CFAP47: variants seen among roughly 807,000 people sequenced by gnomAD.
The protein encoded by CFAP47 is cilia- and flagella-associated protein 47.
CFAP47 carries 29 observed loss-of-function variants against 148.1 expected under a neutral mutation model. The ratio of observed to expected loss-of-function variants is 0.20; its 90% CI spans 0.15 to 0.27. The LOEUF is 0.27. Among genes scored for constraint, CFAP47 ranks in the 10% least tolerant of loss-of-function variants. The probability of loss-of-function intolerance (pLI) is 1.00; values close to 1 mark genes in which losing one functional copy is unlikely to be tolerated. For synonymous variants in CFAP47, 664 were observed against 577.3 expected, an observed-to-expected ratio of 1.15 and a Z score of -2.15; for missense variants, 1,872 against 1,697.5, an observed-to-expected ratio of 1.10 and a Z score of -1.81.
rs782202473 is a variant in CFAP47 at position 36,310,650 on chromosome X, T to C, written c.8188-183T>C. Among the ~76,000 whole-genome samples, 13 of 111,394 alleles carry C rather than the reference T, an allele frequency of 1.2e-4. No individual in the cohort carries two copies. In the South Asian group the frequency reaches 4.0e-3, roughly 34 times the overall value. Reference sequence around the variant, plus strand: ...TCTTCTGCCTCAAAGTAAAAATACATAGAATTATTTTTCCATAAAATTAAA... The same window carrying C: ...TCTTCTGCCTCAAAGTAAAAATACACAGAATTATTTTTCCATAAAATTAAA... On this transcript the variant is annotated intron_variant, in intron 55 of 63. Transcript: ENST00000378653.
At chrX:36,027,325 C>T (rs1244837380) in intron 22 of CFAP47, among the ~76,000 whole-genome samples, 1 of 108,859 alleles carries the variant, frequency 9.2e-6, no homozygotes, top group Admixed American at 1.0e-4. Context: ...AAGTTTTCAA[C>T]CCTCGCCATC....
intron 35 of CFAP47, among the ~76,000 whole-genome samples, chrX:36,142,220 C>G (rs761305528): frequency 8.1e-5 from 9 of 111,174 alleles, no homozygotes; most frequent in Non-Finnish European, 1.5e-4. Context: ...GCATAAAACT[C>G]AAGATCTTAT....
intron 48 of CFAP47, among the ~76,000 whole-genome samples, chrX:36,246,644 G>A (rs1940619021): frequency 9.0e-6 from 1 of 111,429 alleles, no homozygotes; most frequent in South Asian, 3.7e-4. Flanking sequence ...ACCTGGTCCC[G>A]GTTTTGATAC....
intron 60 of CFAP47, among the ~76,000 whole-genome samples, chrX:36,359,727 C>G (rs1376773028): frequency 9.0e-6 from 1 of 111,174 alleles, no homozygotes; most frequent in African/African-American, 3.3e-5. Flanking sequence ...AGCTTTTGTT[C>G]ATCTGAGGGT....
At chrX:36,166,054 A>G (rs1264153501) in intron 39 of CFAP47, among the ~76,000 whole-genome samples, 7 of 111,567 alleles carry the variant, frequency 6.3e-5, no homozygotes, top group African/African-American at 2.3e-4. Flanking sequence ...ATAGTTTTTT[A>G]TATTTTAACC....
chrX:36,078,274 CG>C (rs1250358960), intron 29 of CFAP47, among the ~76,000 whole-genome samples: 1 of 110,562 alleles, frequency 9.0e-6, no homozygotes, highest in Non-Finnish European at 1.9e-5. Flanking sequence ...TCTTCGGTCT[CG>C]TAGATCTGTC....
At chrX:35,950,246 A>T (rs6632421) in intron 4 of CFAP47, among the ~76,000 whole-genome samples, 1 of 111,185 alleles carries the variant, frequency 9.0e-6, no homozygotes, top group Non-Finnish European at 1.9e-5. Flanking sequence ...GCCTAAATTG[A>T]AAGATTGCAT....
intron 15 of CFAP47, among the ~76,000 whole-genome samples, chrX:35,976,896 T>G (rs1224040752): frequency 8.9e-6 from 1 of 111,777 alleles, no homozygotes; most frequent in East Asian, 2.8e-4. Flanking sequence ...TAACCTTGTT[T>G]CTGCCATTCC....
At chrX:36,112,664 T>G (rs1421761004) in intron 33 of CFAP47, among the ~76,000 whole-genome samples, 2 of 111,699 alleles carry the variant, frequency 1.8e-5, no homozygotes, top group Non-Finnish European at 3.8e-5. Context: ...TTTGTTAATC[T>G]TGTGTCTTGA....
At chrX:36,210,649 G>A (rs782592730) in intron 45 of CFAP47, among the ~76,000 whole-genome samples, 4 of 111,920 alleles carry the variant, frequency 3.6e-5, no homozygotes, top group Non-Finnish European at 7.5e-5. Flanking sequence ...CTCCCATTCT[G>A]TAAGTTGTCT....
intron 40 of CFAP47, among the ~76,000 whole-genome samples, chrX:36,179,685 A>G (rs749632424): frequency 1.8e-5 from 2 of 111,875 alleles, no homozygotes; most frequent in South Asian, 7.4e-4. Context: ...TGCACATATT[A>G]TGTTTGTGAA....
chrX:36,381,307 T>C (rs1201521067), intron 63 of CFAP47, among the ~76,000 whole-genome samples: 1 of 111,448 alleles, frequency 9.0e-6, no homozygotes, highest in Non-Finnish European at 1.9e-5. Context: ...CAACCACTAA[T>C]CTTGTAATTT....
chrX:36,086,332 G>T (rs1938087114), intron 30 of CFAP47, among the ~76,000 whole-genome samples: 1 of 111,891 alleles, frequency 8.9e-6, no homozygotes, highest in Admixed American at 9.5e-5. Context: ...AATTTATTTA[G>T]CATCGAGTTG....
chrX:36,165,131 T>A (rs1264039267), intron 39 of CFAP47, among the ~76,000 whole-genome samples: 3 of 112,136 alleles, frequency 2.7e-5, no homozygotes, highest in African/African-American at 9.7e-5. Context: ...AGACTTCCTC[T>A]TTTTTTAGTC....
intron 15 of CFAP47, among the ~76,000 whole-genome samples, chrX:35,986,920 G>T (rs1323832342): frequency 9.0e-6 from 1 of 111,231 alleles, no homozygotes; most frequent in African/African-American, 3.3e-5. Flanking sequence ...TGTTTGCCTG[G>T]GTATCACCAG....
chrX:36,260,440 C>T (rs1374471173), intron 49 of CFAP47, among the ~76,000 whole-genome samples: 1 of 111,659 alleles, frequency 9.0e-6, no homozygotes, highest in African/African-American at 3.3e-5. Context: ...GAGATGGTAT[C>T]TCATAGAGTT....
intron 34 of CFAP47, 88 bp downstream of exon 34, chrX:36,138,143 T>G (rs1385052057): frequency 1.9e-6 from 1 of 538,463 alleles, no homozygotes; most frequent in African/African-American, 2.4e-5. Context: ...GTAAACAGAT[T>G]ATTTCGAATG....
chrX:36,035,010 C>T (rs1304435800), intron 23 of CFAP47, among the ~76,000 whole-genome samples: 5 of 110,685 alleles, frequency 4.5e-5, no homozygotes, highest in African/African-American at 1.6e-4. Flanking sequence ...ATCCATCTAA[C>T]ACCAGCTCAG....
At chrX:36,068,004 A>G (rs780648383) in intron 27 of CFAP47, among the ~76,000 whole-genome samples, 1 of 111,849 alleles carries the variant, frequency 8.9e-6, no homozygotes, top group African/African-American at 3.3e-5. Flanking sequence ...CAGGTATAAA[A>G]TCTTTCCATA....
Sources: gnomAD v4.1 joint callset for allele counts (sites outside exome capture counted in the v4.1 genomes callset) on GRCh38, gnomAD v4.1.1 for gene constraint, MANE v1.5 for transcripts, NCBI Gene and HGNC (gene_info 2026-07-23, HGNC 2026-07-21) for gene names.